Variants in HERC1 observed in about 807,000 individuals in gnomAD.
The protein encoded by HERC1 is probable E3 ubiquitin-protein ligase HERC1.
A neutral mutation model predicts 554.3 loss-of-function variants in HERC1; 160 were observed. The observed-to-expected ratio is 0.29, with a 90% CI of 0.25 to 0.33. The LOEUF (loss-of-function observed/expected upper bound fraction) is 0.33. Ranked by LOEUF, HERC1 falls within the 10% of genes least tolerant of loss-of-function variation. HERC1 has a pLI of 1.00. For missense variants in HERC1, 4,919 were observed against 5,918.5 expected, an observed-to-expected ratio of 0.83 and a Z score of 5.54; for synonymous variants, 2,175 against 2,131.7, an observed-to-expected ratio of 1.02 and a Z score of -0.56.
At chr15:63,625,952 T>C in intron 71 of HERC1, 33 bp downstream of exon 71, 2 of 1,585,594 alleles carry the variant, frequency 1.3e-6, no homozygotes, top group South Asian at 1.1e-5. Context: ...CAAGCCAGTC[T>C]GTGCCTGGCT....
rs189133669 is a variant in HERC1 at position 63,694,468 on chromosome 15, G to T, written c.5324C>A (p.Ser1775Tyr). 1 of 1,613,998 alleles carries T rather than the reference G, an allele frequency of 6.2e-7. No homozygotes were observed. Among genetic ancestry groups the T allele is most frequent in the East Asian group, 2.2e-5 (1 of 44,884 alleles). The change falls in exon 29 of 78, where the codon TCC becomes TAC. Residue 1775 changes from serine (S) to tyrosine (Y), a missense_variant. This residue lies in a region of HERC1 where 1,121 missense variants were observed against 1,244.0 expected (regional missense o/e 0.90). Coordinates refer to ENST00000443617, the MANE Select transcript of HERC1 (RefSeq NM_003922.4). The surrounding 1 kb of genome is among the most constrained non-coding windows in gnomAD (Gnocchi z 4.3). Reference sequence around the variant, plus strand: ...TGACAATACGTTTAGCAGACCAGTGGAAATTGCCAAAGAAACATCTACTGG... The same window carrying T: ...TGACAATACGTTTAGCAGACCAGTGTAAATTGCCAAAGAAACATCTACTGG... ...YQPVDVSLAI[S>Y]TGLLNVLSQL...
At chr15:63,715,985 T>C (rs1342355026) in intron 22 of HERC1, among the ~76,000 whole-genome samples, 13 of 152,206 alleles carry the variant, frequency 8.5e-5, no homozygotes, top group Non-Finnish European at 7.3e-5. Context: ...GGACAACTTG[T>C]TGCCCCAGAG....
At position 63,698,967 on chromosome 15, in the gene HERC1, T is replaced by G. The variant is rs915244945; in HGVS notation, c.4666A>C (p.Ser1556Arg). 1.2e-6 allele frequency: 2 copies of G among 1,613,326 alleles called. No homozygotes were observed. Among genetic ancestry groups the G allele is most frequent in the East Asian group, 2.2e-5 (1 of 44,868 alleles). ...GPMHSQLESL[S>R]DSWARLKHSR... ...TGTTTCAGGCGAGCCCAAGAGTCAC[T>G]CAGGGATTCCAATTGACTGTGCATA... The change falls in exon 26 of 78, where the codon AGT becomes CGT. Residue 1556 changes from serine to arginine, a missense_variant. Ser to Arg is a moderately radical substitution (Grantham distance 110, BLOSUM62 -1). Around this residue, in one of 11 missense-constraint regions of HERC1, gnomAD observed 1,121 missense variants for 1,244.0 expected, o/e 0.90. Coordinates refer to ENST00000443617, the MANE Select transcript of HERC1 (RefSeq NM_003922.4).
rs558730583 is a variant in HERC1, at chr15:63,639,340, T to C, written c.11902-564A>G. On this transcript the variant is annotated intron_variant, in intron 61 of 77. Transcript: ENST00000443617. Reference sequence around the variant, plus strand: ...ATCACTGTTACAAATGCCTAGAGCATTGAATACAGTCATATTCTGTACAGG... The same window carrying C: ...ATCACTGTTACAAATGCCTAGAGCACTGAATACAGTCATATTCTGTACAGG... 4.6e-5 allele frequency among the ~76,000 whole-genome samples: 7 copies of C among 152,358 alleles called. No homozygotes were observed. The East Asian group carries it at 5.8e-4, about 13-fold the overall frequency.
intron 40 of HERC1, 58 bp from the exon 41 acceptor site, chr15:63,666,530 A>T: frequency 8.9e-7 from 1 of 1,127,302 alleles, no homozygotes; most frequent in South Asian, 1.3e-5. Context: ...GTGAGTAAAA[A>T]GTGTCTTCAT....
intron 77 of HERC1, among the ~76,000 whole-genome samples, chr15:63,610,609 G>T (rs1375719227): frequency 6.6e-6 from 1 of 152,214 alleles, no homozygotes; most frequent in Non-Finnish European, 1.5e-5. Context: ...GAAAATTTAT[G>T]GAAAGGCTCT....
rs746243190 is a variant in HERC1, at chr15:63,666,408, C to T, written c.8271G>A (p.Leu2757=). The T allele has an allele frequency of 7.4e-6, 12 of 1,613,560 alleles. No homozygotes were observed. The African/African-American group carries it at 1.5e-4, about 20-fold the overall frequency. The change falls in exon 41 of 78, where the codon TTG becomes TTA. Residue 2757 remains leucine, a synonymous_variant. Coordinates refer to ENST00000443617, the MANE Select transcript of HERC1 (RefSeq NM_003922.4). ...SPPPPAIAVP[L]LEMGFSLRQI... ...GCCGAAGAGAGAACCCCATTTCCAG[C>T]AAGGGAACTGCAATTGCTGGAGGAG...
In HERC1 at chr15:63,791,411, T is replaced by A. The variant is rs773350791; in HGVS notation, c.-26-15762A>T. Among the ~76,000 whole-genome samples the A allele has an allele frequency of 5.9e-5, 9 of 152,324 alleles. No homozygotes were observed. The South Asian group carries it at 1.0e-3, about 18-fold the overall frequency. ...ACGAGCTCTGTGTATATTCTGAAGA[T>A]GCCTTGTACAAACAGAAAGATGAAT... On this transcript the variant is annotated intron_variant, in intron 1 of 77. Coordinates refer to ENST00000443617, the MANE Select transcript of HERC1 (RefSeq NM_003922.4).
At chr15:63,787,065 G>C (rs897551482) in intron 1 of HERC1, among the ~76,000 whole-genome samples, 4 of 151,774 alleles carry the variant, frequency 2.6e-5, no homozygotes, top group African/African-American at 7.3e-5. Flanking sequence ...TGGTCTTGAA[G>C]TCCTGACCTC....
At chr15:63,636,259 G>T in intron 64 of HERC1, 117 bp from the exon 65 acceptor site, 10 of 735,350 alleles carry the variant, frequency 1.4e-5, no homozygotes, top group East Asian at 2.9e-5. Flanking sequence ...ATGAAAATAA[G>T]AATAATTTCA....
chr15:63,751,671 G>A, intron 8 of HERC1, among the ~76,000 whole-genome samples: 1 of 152,040 alleles, frequency 6.6e-6, no homozygotes, highest in East Asian at 1.9e-4. Context: ...TCATGCTCAA[G>A]TTTAATGGTA....
In HERC1 at chr15:63,675,078, A is replaced by G; in HGVS notation, c.7110T>C (p.Tyr2370=). 1 of 1,610,076 alleles carries G rather than the reference A, an allele frequency of 6.2e-7. No individual in the cohort carries two copies. Among genetic ancestry groups the G allele is most frequent in the Non-Finnish European group, 8.5e-7 (1 of 1,177,142 alleles). ...GCAATGGTTCACAGGGTTCCAGATTATACAATGGAGTATCACTAGGCGACC... is the reference window on the plus strand; with the variant it reads ...GCAATGGTTCACAGGGTTCCAGATTGTACAATGGAGTATCACTAGGCGACC... ...TFWSPSDTPL[Y]NLEPCEPLPF... is the part of the protein sequence containing the mutation. The change falls in exon 38 of 78, where the codon TAT becomes TAC. Residue 2370 remains tyrosine (Y), a synonymous_variant. Coordinates refer to ENST00000443617, the MANE Select transcript of HERC1 (RefSeq NM_003922.4).
chr15:63,782,211 G>C (rs1220356617), intron 1 of HERC1, among the ~76,000 whole-genome samples: 1 of 152,214 alleles, frequency 6.6e-6, no homozygotes, highest in Non-Finnish European at 1.5e-5. Context: ...ATTGGAAGAT[G>C]CCATCTAGGA....
intron 33 of HERC1, among the ~76,000 whole-genome samples, chr15:63,688,874 A>T (rs1339730563): frequency 6.6e-6 from 1 of 152,106 alleles, no homozygotes; most frequent in African/African-American, 2.4e-5. Context: ...GAAATGGGAC[A>T]AAAAAAGGGG....
Position 63,612,642 on chromosome 15 carries a change from T to A in HERC1, c.14095-86A>T. 1 of 1,320,348 alleles carries A rather than the reference T, an allele frequency of 7.6e-7. No homozygotes were observed. Among genetic ancestry groups the A allele is most frequent in the Non-Finnish European group, 1.0e-6 (1 of 957,502 alleles). The allele number at this position is 1,320,348 out of a possible 1,614,324, so 81.8% of individuals were successfully genotyped here. A position where few individuals can be genotyped will look rare whatever the true frequency, so the allele number is the denominator to read the frequency against. On this transcript the variant is annotated intron_variant, in intron 76 of 77. Transcript: ENST00000443617. This position sits in a 1 kb window ranked among gnomAD's most constrained non-coding sequence, Gnocchi z 5.0. ...CCCTGTGGGGCTAGGCGCCTCCTGATGCCTGCTCGTCCGCTCCCCAGACCC... is the reference window on the plus strand; with the variant it reads ...CCCTGTGGGGCTAGGCGCCTCCTGAAGCCTGCTCGTCCGCTCCCCAGACCC...
rs1366508189 is a variant in HERC1 at position 63,609,043 on chromosome 15, A to G, written c.*38T>C. 14 of 1,576,048 alleles carry G rather than the reference A, an allele frequency of 8.9e-6. No homozygotes were observed. The highest frequency in any genetic ancestry group is 1.2e-5 in the Non-Finnish European group (14 of 1,152,936). Reference sequence around the variant, plus strand: ...CAACATCAAATCAGAAGTGAGCATTATTGAGGGAGAGAAGGGAGGGTGAGA... The same window carrying G: ...CAACATCAAATCAGAAGTGAGCATTGTTGAGGGAGAGAAGGGAGGGTGAGA... On this transcript the variant is annotated 3_prime_UTR_variant, in exon 78 of 78. Coordinates refer to ENST00000443617, the MANE Select transcript of HERC1 (RefSeq NM_003922.4).
rs1374081963 is a variant in HERC1, at chr15:63,692,679, G to A, written c.5675-113C>T. 3.3e-6 allele frequency: 3 copies of A among 908,798 alleles called. No homozygotes were observed. Among genetic ancestry groups the A allele is most frequent in the Non-Finnish European group, 4.8e-6 (3 of 626,122 alleles). 56.3% of individuals were successfully genotyped at this position (908,798 alleles called of 1,614,324 possible). A position where few individuals can be genotyped will look rare whatever the true frequency, so the allele number is the denominator to read the frequency against. On this transcript the variant is annotated intron_variant, in intron 30 of 77. Coordinates refer to ENST00000443617, the MANE Select transcript of HERC1 (RefSeq NM_003922.4). This position sits in a 1 kb window ranked among gnomAD's most constrained non-coding sequence, Gnocchi z 4.7. ...GCACAAATCTAATGCAAAATCTTAG[G>A]CTGTCAGCTACTGAATTCTGAAAAC...
At chr15:63,757,960 AG>A (rs1259046935) in intron 4 of HERC1, among the ~76,000 whole-genome samples, 1 of 151,388 alleles carries the variant, frequency 6.6e-6, no homozygotes, top group Non-Finnish European at 1.5e-5. Context: ...CACCTGCCTC[AG>A]CCTCCCAAAG....
At chr15:63,740,195 C>T (rs1297406729) in intron 12 of HERC1, among the ~76,000 whole-genome samples, 1 of 152,174 alleles carries the variant, frequency 6.6e-6, no homozygotes, top group East Asian at 1.9e-4. Context: ...CAGGTGTGGG[C>T]CACTGCATCC....
Sources: allele counts gnomAD v4.1 joint callset (sites outside exome capture counted in the v4.1 genomes callset), GRCh38; gene constraint gnomAD v4.1.1; regional missense constraint gnomAD v4.1.1; non-coding constraint Gnocchi (gnomAD v3.1); transcripts MANE v1.5; gene names NCBI Gene and HGNC (gene_info 2026-07-23, HGNC 2026-07-21).